Variants in AGAP1 observed in about 807,000 individuals in gnomAD.
AGAP1 encodes the protein ArfGAP with GTPase domain, ankyrin repeat and PH domain 1.
AGAP1 carries 29 observed loss-of-function variants against 105.3 expected under a neutral mutation model. The observed-to-expected ratio is 0.28, with a 90% CI of 0.21 to 0.38. The LOEUF (loss-of-function observed/expected upper bound fraction) is 0.38, where lower values mean the gene tolerates loss of function less well. Among genes scored for constraint, AGAP1 ranks in the 10% least tolerant of loss-of-function variants. AGAP1 has a pLI of 1.00. For missense variants in AGAP1, 998 were observed against 1,165.1 expected, an observed-to-expected ratio of 0.86 and a Z score of 2.09; for synonymous variants, 509 against 485.9, an observed-to-expected ratio of 1.05 and a Z score of -0.63.
chr2:235,686,638 T>G (rs1156902984), intron 1 of AGAP1, among the ~76,000 whole-genome samples: 8 of 49,378 alleles, frequency 1.6e-4, no homozygotes, highest in East Asian at 7.1e-4. Context: ...TATATATATA[T>G]ATATATAGAT....
intron 1 of AGAP1, among the ~76,000 whole-genome samples, chr2:235,546,095 C>T (rs1249861748): frequency 1.3e-5 from 2 of 152,210 alleles, no homozygotes; most frequent in East Asian, 3.9e-4. Flanking sequence ...AACAGTCTGT[C>T]TGTGAAGGGG....
intron 16 of AGAP1, among the ~76,000 whole-genome samples, chr2:236,091,601 G>A (rs566438817): frequency 2.6e-4 from 39 of 152,180 alleles, no homozygotes; most frequent in Non-Finnish European, 5.3e-4. Flanking sequence ...GCAAGATTCC[G>A]TCTCTACAAA....
In AGAP1 at chr2:235,556,763, G is replaced by A. The variant is rs772051047; in HGVS notation, c.163+61914G>A. Among the ~76,000 whole-genome samples, 2 of 152,200 alleles carry A rather than the reference G, an allele frequency of 1.3e-5. No individual in the cohort carries two copies. The highest frequency in any genetic ancestry group is 2.4e-5 in the African/African-American group (1 of 41,448). On this transcript the variant is annotated intron_variant, in intron 1 of 17. Transcript: ENST00000304032. This position sits in a 1 kb window ranked among gnomAD's most constrained non-coding sequence, Gnocchi z 5.3. ...ATTAAACTTTTCAGACTGTAAGATC[G>A]TGAATCTGAAAGTCGTTGCTTATTG...
chr2:235,496,061 AGT>A (rs1278615411), intron 1 of AGAP1, among the ~76,000 whole-genome samples: 12 of 152,204 alleles, frequency 7.9e-5, no homozygotes, highest in Non-Finnish European at 2.9e-5. Flanking sequence ...GGCACTATGT[AGT>A]CTGAACTACT....
chr2:235,561,060 C>T (rs1944134386), intron 1 of AGAP1, among the ~76,000 whole-genome samples: 1 of 152,136 alleles, frequency 6.6e-6, no homozygotes, highest in African/African-American at 2.4e-5. Context: ...GTTGTTTGGG[C>T]CATGCACAGA....
At chr2:235,658,186 G>A (rs1040514143) in intron 1 of AGAP1, among the ~76,000 whole-genome samples, 3 of 152,164 alleles carry the variant, frequency 2.0e-5, no homozygotes, top group African/African-American at 7.2e-5. Flanking sequence ...AAATATTTAT[G>A]GATTTTTTTT....
Position 235,864,608 on chromosome 2 carries a change from C to T in AGAP1, c.1051-18737C>T, listed in dbSNP as rs114987821. Among the ~76,000 whole-genome samples, 278 of 152,056 alleles carry T rather than the reference C, an allele frequency of 1.8e-3. No individual in the cohort carries two copies. The highest frequency in any genetic ancestry group is 6.4e-3 in the African/African-American group (267 of 41,492). ...GCCATTAAGTGCAGATACTGTCGTC[C>T]CTGGTGTCGTCCCTGAAAATCTTGT... On this transcript the variant is annotated intron_variant, in intron 9 of 17. Coordinates refer to ENST00000304032, the MANE Select transcript of AGAP1 (RefSeq NM_001037131.3). The surrounding 1 kb of genome is among the most constrained non-coding windows in gnomAD (Gnocchi z 5.0).
intron 1 of AGAP1, among the ~76,000 whole-genome samples, chr2:235,650,311 G>A (rs923663157): frequency 9.9e-5 from 15 of 152,170 alleles, no homozygotes; most frequent in Admixed American, 3.3e-4. Context: ...GCAATGAGCC[G>A]AGATTGTGCC....
At position 236,059,863 on chromosome 2, in the gene AGAP1, G is replaced by A. The variant is rs564227136; in HGVS notation, c.2114+10582G>A. Among the ~76,000 whole-genome samples, 66 of 152,180 alleles carry A rather than the reference G, an allele frequency of 4.3e-4. 1 individual carries two copies. The highest frequency in any genetic ancestry group is 3.4e-3 in the Middle Eastern group (1 of 294). On this transcript the variant is annotated intron_variant, in intron 16 of 17. Coordinates refer to ENST00000304032, the MANE Select transcript of AGAP1 (RefSeq NM_001037131.3). ...TCCTAGCACTTTGGGAGGCTGAGGC[G>A]GGTGGACACTTGAGGTCAGGAGTTC...
chr2:235,886,203 AG>A (rs2050268130), intron 10 of AGAP1, among the ~76,000 whole-genome samples: 1 of 152,246 alleles, frequency 6.6e-6, no homozygotes, highest in Non-Finnish European at 1.5e-5. Flanking sequence ...CAGAGAGCAG[AG>A]GTCTAACTAT....
Position 235,602,395 on chromosome 2 carries a change from G to A in AGAP1, c.164-106784G>A, listed in dbSNP as rs534402343. 3.9e-5 allele frequency among the ~76,000 whole-genome samples: 6 copies of A among 152,266 alleles called. No homozygotes were observed. In the East Asian group the frequency reaches 1.2e-3, roughly 29 times the overall value. ...ACTATCTACTCCCTGGCCCGTGGCA[G>A]TGGAACTTTGTTAACCCCTGCTTGG... On this transcript the variant is annotated intron_variant, in intron 1 of 17. Transcript: ENST00000304032.
At chr2:235,707,880 T>C (rs1164445276) in intron 1 of AGAP1, among the ~76,000 whole-genome samples, 2 of 149,060 alleles carry the variant, frequency 1.3e-5, no homozygotes, top group African/African-American at 4.9e-5. Context: ...CTCCCCAGCA[T>C]GTGACCTGGT....
Position 235,741,048 on chromosome 2 carries a change from G to A in AGAP1, c.396G>A (p.Gln132=). 1 of 1,613,942 alleles carries A rather than the reference G, an allele frequency of 6.2e-7. No homozygotes were observed. Among genetic ancestry groups the A allele is most frequent in the Non-Finnish European group, 8.5e-7 (1 of 1,179,860 alleles). The change falls in exon 4 of 18, where the codon CAG becomes CAA. Residue 132 remains glutamine (Q), a splice_region_variant and synonymous_variant. Coordinates refer to ENST00000304032, the MANE Select transcript of AGAP1 (RefSeq NM_001037131.3). The surrounding 1 kb of genome is among the most constrained non-coding windows in gnomAD (Gnocchi z 4.9). ...ATGAAGGGGGCCCCCCGGAGGCGCAGGTGAGTATACATGCATGCCCCAAGC... is the reference window on the plus strand; with the variant it reads ...ATGAAGGGGGCCCCCCGGAGGCGCAAGTGAGTATACATGCATGCCCCAAGC... The part of the protein sequence containing the change: ...IRDEGGPPEA[Q]FAMWVDAVIF...
intron 1 of AGAP1, among the ~76,000 whole-genome samples, chr2:235,558,217 GGATGCTCAGTGGA>G (rs1181886029): frequency 6.6e-6 from 1 of 151,994 alleles, no homozygotes; most frequent in East Asian, 1.9e-4. Context: ...GAGGTGGGTG[GGATGCTCAGTGGA>G]GATGGACCAG....
intron 1 of AGAP1, among the ~76,000 whole-genome samples, chr2:235,593,427 GA>G (rs1413532349): frequency 1.5e-5 from 2 of 129,762 alleles, no homozygotes; most frequent in African/African-American, 8.2e-5. Flanking sequence ...GGGGAGGACA[GA>G]ATCTAATTTT....
chr2:235,990,330 G>A (rs867033632), intron 13 of AGAP1, among the ~76,000 whole-genome samples: 4 of 152,310 alleles, frequency 2.6e-5, no homozygotes, highest in Admixed American at 6.5e-5. Context: ...CTGCAAAGAC[G>A]CTTCCCTGCA....
chr2:235,890,942 CA>C (rs199864293), intron 10 of AGAP1, among the ~76,000 whole-genome samples: 33 of 117,604 alleles, frequency 2.8e-4, no homozygotes, highest in South Asian at 4.0e-4. Flanking sequence ...AACTGAGGCT[CA>C]AAAAAAAAAA....
chr2:235,785,317 A>C (rs1258897070), intron 6 of AGAP1, among the ~76,000 whole-genome samples: 1 of 152,240 alleles, frequency 6.6e-6, no homozygotes, highest in Non-Finnish European at 1.5e-5. Context: ...GTTGGTGTTC[A>C]TATCTAAAAA....
intron 12 of AGAP1, among the ~76,000 whole-genome samples, chr2:235,937,386 A>C (rs1286660868): frequency 6.6e-6 from 1 of 152,212 alleles, no homozygotes; most frequent in Non-Finnish European, 1.5e-5. Context: ...TTTTCCTCCC[A>C]ATCAGAATGT....
Sources: allele counts gnomAD v4.1 joint callset (sites outside exome capture counted in the v4.1 genomes callset), GRCh38; gene constraint gnomAD v4.1.1; non-coding constraint Gnocchi (gnomAD v3.1); transcripts MANE v1.5; gene names NCBI Gene and HGNC (gene_info 2026-07-23, HGNC 2026-07-21).